The following CARS1 variants were observed in gnomAD, a reference collection of about 807,000 sequenced individuals.
CARS1 encodes the protein cysteine--tRNA ligase, cytoplasmic.
Under a neutral mutation model 106.2 loss-of-function variants are expected in CARS1, and 48 were observed. The ratio of observed to expected loss-of-function variants is 0.45; its 90% confidence interval spans 0.36 to 0.57. The LOEUF is 0.57. Ranked by LOEUF, CARS1 falls within the 20% of genes least tolerant of loss-of-function variation. The pLI is 0.00. For missense variants in CARS1, 968 were observed against 1,057.2 expected (o/e 0.92, Z 1.17); for synonymous variants, 409 against 403.4 (o/e 1.01, Z -0.17).
Position 3,017,807 on chromosome 11 carries a change from C to T in CARS1, c.1727+50G>A, listed in dbSNP as rs778134383. The T allele has an allele frequency of 2.4e-6, 3 of 1,234,298 alleles. No homozygotes were observed. In the East Asian group the frequency reaches 7.0e-5, roughly 29 times the overall value. 76.5% of individuals were successfully genotyped at this position (1,234,298 alleles called of 1,614,324 possible). ...ATGGTGGCCAAGATGCGAGGCTAGG[C>T]ATAGAACATGGGCATGCTCAAAAAC... On this transcript the variant is annotated intron_variant, in intron 15 of 22. Transcript: ENST00000380525. The surrounding 1 kb of genome is among the most constrained non-coding windows in gnomAD (Gnocchi z 4.9).
intron 10 of CARS1, 82 bp downstream of exon 10, chr11:3,026,594 G>A: frequency 4.7e-6 from 7 of 1,493,658 alleles, no homozygotes; most frequent in Non-Finnish European, 6.4e-6. Context: ...GCTCAGCGCA[G>A]CCCCCGTGGC....
rs1259615380 is a variant in CARS1, at chr11:3,039,332, TC to T, written c.553-41del. The T allele has an allele frequency of 1.6e-6, 2 of 1,224,790 alleles. No individual in the cohort carries two copies. Among genetic ancestry groups the T allele is most frequent in the Non-Finnish European group, 1.2e-6 (1 of 825,900 alleles). The allele number at this position is 1,224,790 out of a possible 1,614,324, so 75.9% of individuals were successfully genotyped here. A position where few individuals can be genotyped will look rare whatever the true frequency, so the allele number is the denominator to read the frequency against. ...CAGACATTGGGGAGTGATGCTTGGA[TC>T]CCACATGCATCCCTCTGCAGCAGGC... On this transcript the variant is annotated intron_variant, in intron 5 of 22. Transcript: ENST00000380525. The surrounding 1 kb of genome is among the most constrained non-coding windows in gnomAD (Gnocchi z 5.6).
chr11:3,031,970 C>A (rs1007366881), intron 7 of CARS1, among the ~76,000 whole-genome samples: 1 of 149,420 alleles, frequency 6.7e-6, no homozygotes. Context: ...CCAGTGCACT[C>A]TGTTCTTTTC....
rs972643797 is a variant in CARS1, at chr11:3,040,819, C to T, written c.455+77G>A. The T allele has an allele frequency of 1.6e-5, 24 of 1,468,246 alleles. No individual in the cohort carries two copies. Among genetic ancestry groups the T allele is most frequent in the African/African-American group, 1.5e-4 (11 of 71,498 alleles). 91.0% of individuals were successfully genotyped at this position (1,468,246 alleles called of 1,614,324 possible). On this transcript the variant is annotated intron_variant, in intron 4 of 22. Transcript: ENST00000380525. The surrounding 1 kb of genome is among the most constrained non-coding windows in gnomAD (Gnocchi z 5.8). ...TCTAAGATCTTTGTGGACCTAAGAT[C>T]GCTGCTGTGGATCCCAATGGCTCTG...
At chr11:3,016,909 G>A (rs1054383212) in intron 16 of CARS1, among the ~76,000 whole-genome samples, 197 bp downstream of exon 16, 11 of 152,160 alleles carry the variant, frequency 7.2e-5, no homozygotes, top group Non-Finnish European at 8.8e-5. Flanking sequence ...ACTGTGCTCC[G>A]CTTATGGGTG....
In CARS1 at chr11:3,039,947, A is replaced by C; in HGVS notation, c.456-16T>G. 1 of 1,395,346 alleles carries C rather than the reference A, an allele frequency of 7.2e-7. No individual in the cohort carries two copies. The highest frequency in any genetic ancestry group is 1.0e-6 in the Non-Finnish European group (1 of 1,003,718). 86.4% of individuals were successfully genotyped at this position (1,395,346 alleles called of 1,614,324 possible). A position where few individuals can be genotyped will look rare whatever the true frequency, so the allele number is the denominator to read the frequency against. Reference sequence around the variant, plus strand: ...GATGTAGGACCTAAAGCAATGAAAAAACAAACATTTCCACACCAGACGATA... The same window carrying C: ...GATGTAGGACCTAAAGCAATGAAAACACAAACATTTCCACACCAGACGATA... On this transcript the variant is annotated splice_polypyrimidine_tract_variant and intron_variant, in intron 4 of 22. Transcript: ENST00000380525. This position sits in a 1 kb window ranked among gnomAD's most constrained non-coding sequence, Gnocchi z 5.6.
rs1855239720 is a variant in CARS1, at chr11:3,047,673, G to A, written c.274+80C>T. On this transcript the variant is annotated intron_variant, in intron 2 of 22. Transcript: ENST00000380525. ...CCTCTGGGGTATCCGCAGACGCCAG[G>A]TAAGCACCAGGGTGATGGAGAAAGC... is the stretch of plus-strand genomic sequence containing the variant. The A allele has an allele frequency of 1.4e-5, 22 of 1,519,372 alleles. No individual in the cohort carries two copies. In the South Asian group the frequency reaches 2.9e-4, roughly 20 times the overall value. The allele number at this position is 1,519,372 out of a possible 1,614,324, so 94.1% of individuals were successfully genotyped here.
chr11:3,001,392 T>A, intron 22 of CARS1, 144 bp from the exon 23 acceptor site: 1 of 924,290 alleles, frequency 1.1e-6, no homozygotes, highest in Non-Finnish European at 1.6e-6. Context: ...ACCACACTGC[T>A]CTGGAGCCAG....
chr11:3,031,984 CTCCT>C (rs1423537013), intron 7 of CARS1, among the ~76,000 whole-genome samples: 1 of 34,210 alleles, frequency 2.9e-5, no homozygotes. Flanking sequence ...TCTTTTCTTT[CTCCT>C]TCCTTCCTTC....
intron 14 of CARS1, 33 bp downstream of exon 14, chr11:3,018,375 C>G (rs976715705): frequency 1.4e-6 from 2 of 1,461,116 alleles, no homozygotes; most frequent in African/African-American, 2.8e-5. Context: ...GGAGGCTGCT[C>G]CACCAACCTC....
At chr11:3,023,142 T>G (rs1003484224) in intron 10 of CARS1, among the ~76,000 whole-genome samples, 1 of 152,158 alleles carries the variant, frequency 6.6e-6, no homozygotes, top group Non-Finnish European at 1.5e-5. Flanking sequence ...TGGGGCCAGA[T>G]AGCAAAATTC....
chr11:3,031,797 G>A (rs1353542246), intron 7 of CARS1, among the ~76,000 whole-genome samples: 1 of 152,116 alleles, frequency 6.6e-6, no homozygotes, highest in East Asian at 1.9e-4. Context: ...GCTTGGTGTA[G>A]GCAAGTCAGA....
Position 3,041,032 on chromosome 11 carries a change from C to T in CARS1, c.367-48G>A, listed in dbSNP as rs368440432. 3 of 1,613,684 alleles carry T rather than the reference C, an allele frequency of 1.9e-6. No individual in the cohort carries two copies. The African/African-American group carries it at 4.0e-5, about 22-fold the overall frequency. ...ACGATCACAAGAAATGCAAGAAACA[C>T]TGCACAGGATTACCAAAAACAGCAA... On this transcript the variant is annotated intron_variant, in intron 3 of 22. Transcript: ENST00000380525. This position sits in a 1 kb window ranked among gnomAD's most constrained non-coding sequence, Gnocchi z 4.9.
chr11:3,038,116 G>A lies in CARS1; in HGVS notation c.735C>T (p.Ala245=). The change falls in exon 7 of 23, where the codon GCC becomes GCT. Residue 245 remains alanine, a synonymous_variant. Coordinates refer to ENST00000380525, the MANE Select transcript of CARS1 (RefSeq NM_001014437.3). The surrounding 1 kb of genome is among the most constrained non-coding windows in gnomAD (Gnocchi z 4.0). ...GCACAGCTTTCTCAAGTGGCTCTGT[G>A]GCAAGCTGCACTGCGTGCTGAATCC... ...LERIQHAVQL[A]TEPLEKAVQS... The A allele has an allele frequency of 1.2e-6, 2 of 1,614,182 alleles. No individual in the cohort carries two copies. The highest frequency in any genetic ancestry group is 1.7e-5 in the Admixed American group (1 of 60,034).
At chr11:3,024,799 T>G (rs897102124) in intron 10 of CARS1, among the ~76,000 whole-genome samples, 2 of 152,198 alleles carry the variant, frequency 1.3e-5, no homozygotes, top group Non-Finnish European at 2.9e-5. Flanking sequence ...GAGGGCTCCT[T>G]GACAGAATGA....
At position 3,020,263 on chromosome 11, in the gene CARS1, G is replaced by A. The variant is rs1398692647; in HGVS notation, c.1223C>T (p.Ala408Val). ...RSPNDFALWK[A>V]SKPGEPSWPC... ...CCAGGACGGTTCTCCGGGCTTAGAG[G>A]CCTTCCATAAGGCAAAGTCGTTGGG... The change falls in exon 11 of 23, where the codon GCC (alanine) becomes GTC (valine). Residue 408 changes from alanine (A) to valine (V), a missense_variant. Transcript: ENST00000380525. The surrounding 1 kb of genome is among the most constrained non-coding windows in gnomAD (Gnocchi z 4.6). 1.2e-6 allele frequency: 2 copies of A among 1,613,744 alleles called. No individual in the cohort carries two copies. Among genetic ancestry groups the A allele is most frequent in the Non-Finnish European group, 1.7e-6 (2 of 1,179,614 alleles).
rs1265313858 is a variant in CARS1, at chr11:3,034,195, C to CT, written c.801+3854dup. Among the ~76,000 whole-genome samples the CT allele has an allele frequency of 2.7e-5, 4 of 147,416 alleles. No homozygotes were observed. Among genetic ancestry groups the CT allele is most frequent in the Admixed American group, 7.0e-5 (1 of 14,306 alleles). ...TTTTCTGTTTTTTTGTTTGTTTGTTCTTTTTTTTGTTTTCTGTTTTTTGTT... is the reference window on the plus strand; with the variant it reads ...TTTTCTGTTTTTTTGTTTGTTTGTTCTTTTTTTTTGTTTTCTGTTTTTTGTT... On this transcript the variant is annotated intron_variant, in intron 7 of 22. Coordinates refer to ENST00000380525, the MANE Select transcript of CARS1 (RefSeq NM_001014437.3). This position sits in a 1 kb window ranked among gnomAD's most constrained non-coding sequence, Gnocchi z 6.3.
intron 19 of CARS1, among the ~76,000 whole-genome samples, chr11:3,006,327 T>C (rs1360783827): frequency 1.3e-5 from 2 of 152,140 alleles, no homozygotes; most frequent in East Asian, 3.9e-4. Context: ...GCGTCTGTAA[T>C]CCCAGCTACT....
chr11:3,002,859 G>A (rs926996953), intron 20 of CARS1, among the ~76,000 whole-genome samples: 1 of 152,206 alleles, frequency 6.6e-6, no homozygotes, highest in Admixed American at 6.5e-5. Context: ...GCAGCAGGCA[G>A]ACAAACAGAA....
Sources: gnomAD v4.1 joint callset for allele counts (sites outside exome capture counted in the v4.1 genomes callset) on GRCh38, gnomAD v4.1.1 for gene constraint, Gnocchi (gnomAD v3.1) non-coding constraint, MANE v1.5 for transcripts, NCBI Gene and HGNC (gene_info 2026-07-23, HGNC 2026-07-21) for gene names.